The following SERGEF variants were observed in gnomAD, a reference collection of about 807,000 sequenced individuals.
The protein encoded by SERGEF is secretion regulating guanine nucleotide exchange factor, also known as secretion-regulating guanine nucleotide exchange factor.
SERGEF carries 51 observed loss-of-function variants against 50.0 expected under a neutral mutation model. The observed-to-expected ratio is 1.02, with a 90% CI of 0.81 to 1.29. The LOEUF is 1.29. Among genes scored for constraint, SERGEF ranks in the 50% most tolerant of loss-of-function variants. SERGEF has a pLI of 0.00. For synonymous variants in SERGEF, 205 were observed against 212.4 expected, an observed-to-expected ratio of 0.97 and a Z score of 0.30; for missense variants, 521 against 557.0, an observed-to-expected ratio of 0.94 and a Z score of 0.65.
intron 9 of SERGEF, among the ~76,000 whole-genome samples, chr11:17,900,240 T>A (rs1851723794): frequency 6.6e-6 from 1 of 152,188 alleles, no homozygotes; most frequent in African/African-American, 2.4e-5. Flanking sequence ...TGCTTAACTC[T>A]AAGCGTCTCA....
chr11:17,971,467 G>A (rs1853247981), intron 8 of SERGEF, among the ~76,000 whole-genome samples: 1 of 152,204 alleles, frequency 6.6e-6, no homozygotes, highest in Non-Finnish European at 1.5e-5. Context: ...TAAGAATTAT[G>A]CTCAGTGTAC....
chr11:17,872,449 T>C (rs1851157721), intron 10 of SERGEF, among the ~76,000 whole-genome samples: 1 of 152,240 alleles, frequency 6.6e-6, no homozygotes, highest in Non-Finnish European at 1.5e-5. Flanking sequence ...GAGTAGTTGC[T>C]TACCTATCAG....
At chr11:17,796,623 T>C (rs189873978) in intron 10 of SERGEF, among the ~76,000 whole-genome samples, 81 of 152,340 alleles carry the variant, frequency 5.3e-4, no homozygotes, top group Non-Finnish European at 1.0e-3. Flanking sequence ...GAACCATTTA[T>C]TGAGCTAAAT....
At chr11:17,924,878 T>C (rs1321831734) in intron 9 of SERGEF, among the ~76,000 whole-genome samples, 3 of 152,134 alleles carry the variant, frequency 2.0e-5, no homozygotes, top group Non-Finnish European at 4.4e-5. Context: ...TAGAGGAGCA[T>C]GAATATGGAA....
chr11:17,957,386 G>A (rs1852897402), intron 9 of SERGEF, among the ~76,000 whole-genome samples: 1 of 152,092 alleles, frequency 6.6e-6, no homozygotes, highest in Non-Finnish European at 1.5e-5. Context: ...TATTATAAAG[G>A]GTATACTTAT....
At chr11:18,006,148 T>C (rs866893119) in intron 3 of SERGEF, among the ~76,000 whole-genome samples, 1 of 152,224 alleles carries the variant, frequency 6.6e-6, no homozygotes, top group Admixed American at 6.5e-5. Context: ...AAAATTTGTG[T>C]GTGCTTTTTA....
At position 17,884,038 on chromosome 11, in the gene SERGEF, G is replaced by A. The variant is rs1363730042; in HGVS notation, c.1012-5794C>T. ...CGCCAAGGAGAGGAAGTGAGGCGAG[G>A]CCAGCCCCACGCCACCAGCCAGGGG... On this transcript the variant is annotated intron_variant, in intron 9 of 10. Coordinates refer to ENST00000265965, the MANE Select transcript of SERGEF (RefSeq NM_012139.4). This position sits in a 1 kb window ranked among gnomAD's most constrained non-coding sequence, Gnocchi z 4.6. 6.6e-6 allele frequency among the ~76,000 whole-genome samples: 1 copy of A among 152,158 alleles called. No individual in the cohort carries two copies. Among genetic ancestry groups the A allele is most frequent in the Non-Finnish European group, 1.5e-5 (1 of 68,022 alleles).
At chr11:17,999,062 G>A (rs1168157753) in intron 5 of SERGEF, among the ~76,000 whole-genome samples, 5 of 152,120 alleles carry the variant, frequency 3.3e-5, no homozygotes, top group South Asian at 4.2e-4. Flanking sequence ...GAATGTCTAC[G>A]GAATTATGTT....
chr11:17,837,544 C>A (rs1850422564), intron 10 of SERGEF, among the ~76,000 whole-genome samples: 1 of 151,298 alleles, frequency 6.6e-6, no homozygotes, highest in Admixed American at 6.6e-5. Context: ...TGTTGGCTCC[C>A]CTTTGTCTTC....
chr11:17,893,803 A>G (rs1339931234), intron 9 of SERGEF, among the ~76,000 whole-genome samples: 1 of 152,240 alleles, frequency 6.6e-6, no homozygotes, highest in Non-Finnish European at 1.5e-5. Flanking sequence ...TATGGGCTAC[A>G]TGGAATAAAC....
intron 10 of SERGEF, among the ~76,000 whole-genome samples, chr11:17,809,172 G>A (rs567946758): frequency 4.6e-5 from 7 of 152,300 alleles, no homozygotes; most frequent in African/African-American, 1.7e-4. Context: ...GGAAGAAAGA[G>A]CATTCTAAGT....
intron 9 of SERGEF, among the ~76,000 whole-genome samples, chr11:17,890,714 C>T (rs766580303): frequency 6.6e-6 from 1 of 152,132 alleles, no homozygotes; most frequent in Non-Finnish European, 1.5e-5. Context: ...TGAGCCACTG[C>T]GCCTAGCTGA....
At chr11:17,965,960 T>C (rs759740860) in intron 8 of SERGEF, among the ~76,000 whole-genome samples, 1 of 152,232 alleles carries the variant, frequency 6.6e-6, no homozygotes, top group South Asian at 2.1e-4. Flanking sequence ...TACTAACTAG[T>C]GAATGGCCAT....
At chr11:17,930,295 C>T (rs1295040625) in intron 9 of SERGEF, among the ~76,000 whole-genome samples, 8 of 152,184 alleles carry the variant, frequency 5.3e-5, no homozygotes, top group African/African-American at 1.4e-4. Context: ...CCTATAGTTA[C>T]GAAAGAGTTG....
In SERGEF at chr11:18,005,460, T is replaced by C. The variant is rs368977675; in HGVS notation, c.353-925A>G. Among the ~76,000 whole-genome samples the C allele has an allele frequency of 1.3e-4, 20 of 152,078 alleles. 1 individual carries two copies. The South Asian group carries it at 4.2e-3, about 32-fold the overall frequency. On this transcript the variant is annotated intron_variant, in intron 3 of 10. Coordinates refer to ENST00000265965, the MANE Select transcript of SERGEF (RefSeq NM_012139.4). ...ACCAGAAAGAAAAGTATGAGGAGTG[T>C]GGAGAATAAGAGACACAGCACAAAG...
chr11:17,935,384 G>C (rs893137449), intron 9 of SERGEF, among the ~76,000 whole-genome samples: 1 of 152,048 alleles, frequency 6.6e-6, no homozygotes, highest in Non-Finnish European at 1.5e-5. Context: ...GGGAAGATCT[G>C]CTTGAGCTCA....
chr11:17,826,698 T>C (rs1850201993), intron 10 of SERGEF, among the ~76,000 whole-genome samples: 1 of 152,200 alleles, frequency 6.6e-6, no homozygotes, highest in Non-Finnish European at 1.5e-5. Flanking sequence ...ATATATATTT[T>C]ACAATAAAAG....
intron 10 of SERGEF, among the ~76,000 whole-genome samples, chr11:17,799,201 C>T (rs1332518795): frequency 2.0e-5 from 3 of 151,882 alleles, no homozygotes; most frequent in Non-Finnish European, 4.4e-5. Context: ...TGGCTGAGGT[C>T]CAGAGATGAA....
chr11:17,916,961 G>C (rs1160066469), intron 9 of SERGEF, among the ~76,000 whole-genome samples: 1 of 152,220 alleles, frequency 6.6e-6, no homozygotes, highest in Admixed American at 6.5e-5. Context: ...CTTGTACACT[G>C]TTGGTGGGAA....
Sources: gnomAD v4.1 joint callset for allele counts (sites outside exome capture counted in the v4.1 genomes callset) on GRCh38, gnomAD v4.1.1 for gene constraint, Gnocchi (gnomAD v3.1) non-coding constraint, MANE v1.5 for transcripts, NCBI Gene and HGNC (gene_info 2026-07-23, HGNC 2026-07-21) for gene names.